The following WAC variants were observed in gnomAD, a reference collection of about 807,000 sequenced individuals.
WAC encodes the protein WW domain-containing adapter protein with coiled-coil.
WAC carries 11 observed loss-of-function variants against 79.6 expected under a neutral mutation model. The observed-to-expected ratio is 0.14, with a 90% CI of 0.09 to 0.23. The LOEUF is 0.23. Among genes scored for constraint, WAC ranks in the 10% least tolerant of loss-of-function variants. The pLI is 1.00. For missense variants in WAC, 728 were observed against 773.5 expected, an observed-to-expected ratio of 0.94 and a Z score of 0.70; for synonymous variants, 304 against 276.9, an observed-to-expected ratio of 1.10 and a Z score of -0.97.
At chr10:28,610,886 CT>C (rs1354975194) in intron 9 of WAC, 65 bp downstream of exon 9, 4 of 1,432,150 alleles carry the variant, frequency 2.8e-6, no homozygotes, top group East Asian at 2.5e-5. Context: ...ATTAATAGCC[CT>C]TTTTTGTATT....
intron 4 of WAC, among the ~76,000 whole-genome samples, chr10:28,585,797 AAC>A (rs1839792052): frequency 6.6e-6 from 1 of 152,072 alleles, no homozygotes; most frequent in Admixed American, 6.5e-5. Flanking sequence ...TATTTTGTAA[AAC>A]ACAAATGCAA....
At chr10:28,570,165 C>G (rs1046320213) in intron 3 of WAC, among the ~76,000 whole-genome samples, 1 of 152,168 alleles carries the variant, frequency 6.6e-6, no homozygotes, top group Non-Finnish European at 1.5e-5. Context: ...CCTTTTTTCT[C>G]TCTTTAATAC....
chr10:28,536,007 C>A (rs1313154442), intron 3 of WAC: 1 of 241,084 alleles, frequency 4.1e-6, no homozygotes. Flanking sequence ...CTTGGGAGGC[C>A]GAGGCGGGCA....
At chr10:28,605,307 T>C (rs1251141076) in intron 7 of WAC, among the ~76,000 whole-genome samples, 2 of 152,226 alleles carry the variant, frequency 1.3e-5, no homozygotes, top group Non-Finnish European at 2.9e-5. Context: ...GAATCACACA[T>C]AGAACTTCTA....
At chr10:28,577,871 G>A (rs1839326050) in intron 3 of WAC, among the ~76,000 whole-genome samples, 1 of 152,138 alleles carries the variant, frequency 6.6e-6, no homozygotes, top group African/African-American at 2.4e-5. Flanking sequence ...AAAAATTCAG[G>A]TATTAAGCCA....
At chr10:28,571,915 A>G (rs1234981952) in intron 3 of WAC, among the ~76,000 whole-genome samples, 1 of 152,192 alleles carries the variant, frequency 6.6e-6, no homozygotes, top group East Asian at 1.9e-4. Flanking sequence ...AATTTGATAA[A>G]TTTTTATAAA....
At chr10:28,541,298 G>GA (rs1837006314) in intron 3 of WAC, among the ~76,000 whole-genome samples, 1 of 151,842 alleles carries the variant, frequency 6.6e-6, no homozygotes, top group South Asian at 2.1e-4. Flanking sequence ...TATGATGCTG[G>GA]AAAGAGTGAA....
chr10:28,599,910 AGT>A (rs1840557112), intron 7 of WAC, among the ~76,000 whole-genome samples: 1 of 152,092 alleles, frequency 6.6e-6, no homozygotes, highest in African/African-American at 2.4e-5. Flanking sequence ...AAGTAGAGAA[AGT>A]CTGATACACC....
rs372152124 is a variant in WAC at position 28,622,649 on chromosome 10, T to G, written c.*3043T>G. The G allele has an allele frequency of 7.9e-5, 12 of 152,290 alleles. No homozygotes were observed. Among genetic ancestry groups the G allele is most frequent in the South Asian group, 2.1e-4 (1 of 4,826 alleles). The allele number at this position is 152,290 out of a possible 1,614,324, so 9.4% of individuals were successfully genotyped here. On this transcript the variant is annotated 3_prime_UTR_variant, in exon 14 of 14. Coordinates refer to ENST00000354911, the MANE Select transcript of WAC (RefSeq NM_016628.5). ...CAGCCCTGTTTCAAGACATTATGCT[T>G]CTTTTAACAGTCCAAATTAGTAGTT...
intron 3 of WAC, among the ~76,000 whole-genome samples, chr10:28,549,477 G>A (rs1837544826): frequency 6.6e-6 from 1 of 152,140 alleles, no homozygotes; most frequent in Non-Finnish European, 1.5e-5. Context: ...TCCCTGTCCT[G>A]ATTAATGCCT....
At chr10:28,582,530 T>C (rs1226054791) in intron 3 of WAC, among the ~76,000 whole-genome samples, 2 of 152,220 alleles carry the variant, frequency 1.3e-5, no homozygotes, top group Non-Finnish European at 2.9e-5. Flanking sequence ...CTTCTAGTTT[T>C]TGTTCATAAT....
At chr10:28,544,094 G>A (rs1837216785) in intron 3 of WAC, among the ~76,000 whole-genome samples, 1 of 152,178 alleles carries the variant, frequency 6.6e-6, no homozygotes, top group Admixed American at 6.5e-5. Flanking sequence ...TGTTGGCCAG[G>A]CTGGTCTTGA....
intron 3 of WAC, among the ~76,000 whole-genome samples, chr10:28,556,684 A>G (rs1011692809): frequency 6.6e-6 from 1 of 151,964 alleles, no homozygotes; most frequent in Non-Finnish European, 1.5e-5. Context: ...TGGGAGTTCT[A>G]CAGTCTCAGA....
At chr10:28,574,349 TGTTGGCCAGGCTG>T (rs1839135010) in intron 3 of WAC, among the ~76,000 whole-genome samples, 1 of 152,064 alleles carries the variant, frequency 6.6e-6, no homozygotes, top group Admixed American at 6.5e-5. Flanking sequence ...GGTTTCCCCA[TGTTGGCCAGGCTG>T]GTCTCAAACT....
intron 3 of WAC, among the ~76,000 whole-genome samples, chr10:28,539,387 G>A (rs942973794): frequency 3.3e-5 from 5 of 152,122 alleles, no homozygotes; most frequent in African/African-American, 1.2e-4. Flanking sequence ...TATCCATTAG[G>A]ATTTATTAAA....
At chr10:28,553,613 G>A (rs1020134212) in intron 3 of WAC, among the ~76,000 whole-genome samples, 2 of 152,146 alleles carry the variant, frequency 1.3e-5, no homozygotes, top group Non-Finnish European at 2.9e-5. Context: ...TTAAGATTGA[G>A]GGAAGGGTTG....
intron 7 of WAC, among the ~76,000 whole-genome samples, chr10:28,601,294 G>GTA (rs1840635721): frequency 6.6e-6 from 1 of 152,110 alleles, no homozygotes; most frequent in Non-Finnish European, 1.5e-5. Context: ...CTGGTGGCCA[G>GTA]TAAGCACATG....
In WAC at chr10:28,616,097, T is replaced by C. The variant is rs1197378553; in HGVS notation, c.1557-76T>C. ...GATATCTTTAAGTTAATAAAAGGTA[T>C]TAACATGCAGTTTCTAGGATAAGGA... On this transcript the variant is annotated intron_variant, in intron 11 of 13. Coordinates refer to ENST00000354911, the MANE Select transcript of WAC (RefSeq NM_016628.5). 6.5e-6 allele frequency: 8 copies of C among 1,224,140 alleles called. No homozygotes were observed. In the South Asian group the frequency reaches 9.1e-5, roughly 14 times the overall value. The allele number at this position is 1,224,140 out of a possible 1,614,324, so 75.8% of individuals were successfully genotyped here.
At chr10:28,533,903 C>T (rs1338745088) in intron 1 of WAC, 95 bp from the exon 2 acceptor site, 3 of 1,484,236 alleles carry the variant, frequency 2.0e-6, no homozygotes, top group Non-Finnish European at 2.8e-6. Context: ...GGTAGGTCTC[C>T]CGCGGGGAGG....
Sources: allele counts gnomAD v4.1 joint callset (sites outside exome capture counted in the v4.1 genomes callset), GRCh38; gene constraint gnomAD v4.1.1; transcripts MANE v1.5; gene names NCBI Gene and HGNC (gene_info 2026-07-23, HGNC 2026-07-21).